PSIP1: variants seen among roughly 807,000 people sequenced by gnomAD.
PSIP1 encodes the protein PC4 and SRSF1 interacting protein 1, also known as PC4 and SFRS1-interacting protein.
Under a neutral mutation model 74.7 loss-of-function variants are expected in PSIP1, and 19 were observed. The ratio of observed to expected loss-of-function variants is 0.25; its 90% CI spans 0.18 to 0.37. The LOEUF (loss-of-function observed/expected upper bound fraction) is 0.37, where lower values mean the gene tolerates loss of function less well. Among genes scored for constraint, PSIP1 ranks in the 10% least tolerant of loss-of-function variants. The pLI is 1.00. For missense variants in PSIP1, 601 were observed against 614.3 expected (o/e 0.98, Z 0.23); for synonymous variants, 222 against 195.3 (o/e 1.14, Z -1.14).
intron 10 of PSIP1, chr9:15,470,879 T>C (rs886259894): frequency 6.2e-5 from 67 of 1,081,464 alleles, no homozygotes; most frequent in Non-Finnish European, 7.5e-5. Context: ...ACAACCACCA[T>C]CTTCGTCTGA....
rs936128161 is a variant in PSIP1, at chr9:15,470,055, C to A, written c.978-62G>T. On this transcript the variant is annotated intron_variant, in intron 10 of 15. Transcript: ENST00000380733. ...AATTTTGTGACTAAATGCCCACAATCCCTATGTAAAAGCTAAAAATGTTTT... is the reference window on the plus strand; with the variant it reads ...AATTTTGTGACTAAATGCCCACAATACCTATGTAAAAGCTAAAAATGTTTT... 19 of 1,336,550 alleles carry A rather than the reference C, an allele frequency of 1.4e-5. No homozygotes were observed. In the African/African-American group the frequency reaches 2.5e-4, roughly 17 times the overall value. 82.8% of individuals were successfully genotyped at this position (1,336,550 alleles called of 1,614,324 possible). A position where few individuals can be genotyped will look rare whatever the true frequency, so the allele number is the denominator to read the frequency against.
At chr9:15,504,797 T>A (rs555458477) in intron 3 of PSIP1, among the ~76,000 whole-genome samples, 1 of 152,136 alleles carries the variant, frequency 6.6e-6, no homozygotes, top group East Asian at 1.9e-4. Flanking sequence ...TAAAGACTTT[T>A]AAGCTTATAA....
At position 15,503,368 on chromosome 9, in the gene PSIP1, A is replaced by G. The variant is rs563693068; in HGVS notation, c.149+3193T>C. Among the ~76,000 whole-genome samples the G allele has an allele frequency of 8.2e-5, 12 of 146,850 alleles. No individual in the cohort carries two copies. The South Asian group carries it at 1.9e-3, about 24-fold the overall frequency. ...GGCAACAGAGGAGACTCCATCACAAAAAATAAAAAAATAAAAAAATAAAGT... is the reference window on the plus strand; with the variant it reads ...GGCAACAGAGGAGACTCCATCACAAGAAATAAAAAAATAAAAAAATAAAGT... On this transcript the variant is annotated intron_variant, in intron 3 of 15. Transcript: ENST00000380733.
At chr9:15,470,645 TAAA>T (rs947226413) in intron 10 of PSIP1, 18 of 928,912 alleles carry the variant, frequency 1.9e-5, no homozygotes, top group South Asian at 1.5e-4. Flanking sequence ...GTTTTTTTTT[TAAA>T]AAAAACTTTA....
rs747601975 is a variant in PSIP1, at chr9:15,478,544, C to T, written c.562G>A (p.Val188Ile). The T allele has an allele frequency of 3.8e-6, 6 of 1,596,678 alleles. No homozygotes were observed. The highest frequency in any genetic ancestry group is 5.2e-6 in the Non-Finnish European group (6 of 1,164,618). Residue 188 changes from valine to isoleucine, a missense_variant, in exon 8 of 16, where the codon GTC (valine) becomes ATC (isoleucine). Coordinates refer to ENST00000380733, the MANE Select transcript of PSIP1 (RefSeq NM_033222.5). The stretch of plus-strand genomic sequence containing the variant: ...CTGCCTCTTGGTTTTGGAATCTTGA[C>T]TTCTGTAGCTAATATACACATGGAA... ...PKRGRPAATE[V>I]KIPKPRGRPK...
intron 6 of PSIP1, among the ~76,000 whole-genome samples, chr9:15,480,649 C>A (rs2036296433): frequency 6.6e-6 from 1 of 152,188 alleles, no homozygotes; most frequent in African/African-American, 2.4e-5. Flanking sequence ...GGGCTGGACA[C>A]AGTGGCTCAC....
rs1340790272 is a variant in PSIP1, at chr9:15,472,696, C to T, written c.913G>A (p.Gly305Ser). The change falls in exon 10 of 16, where the codon GGC becomes AGC. Residue 305 changes from glycine to serine, a missense_variant. By Grantham distance (56) the Gly-to-Ser change is moderately conservative. Around this residue, in one of 2 missense-constraint regions of PSIP1, gnomAD observed 538 missense variants for 507.6 expected, o/e 1.06. Transcript: ENST00000380733. ...TCTGCTGCTTCTTTCTCATGTTGGC[C>T]TTTCAGCATATTCCTTCTGTGAGCA... ...QTAHRRNMLK[G>S]QHEKEAADRK... The T allele has an allele frequency of 2.5e-6, 4 of 1,609,498 alleles. No individual in the cohort carries two copies. The highest frequency in any genetic ancestry group is 3.4e-6 in the Non-Finnish European group (4 of 1,178,940).
Position 15,469,307 on chromosome 9 carries a change from T to C in PSIP1, c.1063A>G (p.Ile355Val). ...ETSMDSRLQR[I>V]HAEIKNSLKI... Reference sequence around the variant, plus strand: ...AGTGAATTTTTAATCTCAGCATGTATCCTTTGAAGTCGAGAATCCATTGAT... The same window carrying C: ...AGTGAATTTTTAATCTCAGCATGTACCCTTTGAAGTCGAGAATCCATTGAT... Residue 355 changes from isoleucine to valine, a missense_variant, in exon 12 of 16, where the codon ATA becomes GTA. Physicochemically the swap from Ile to Val is conservative, Grantham distance 29. Around this residue, in one of 2 missense-constraint regions of PSIP1, gnomAD observed 538 missense variants for 507.6 expected, o/e 1.06. Transcript: ENST00000380733. The C allele has an allele frequency of 6.4e-7, 1 of 1,572,912 alleles. No homozygotes were observed. The highest frequency in any genetic ancestry group is 8.6e-7 in the Non-Finnish European group (1 of 1,157,346).
chr9:15,501,256 A>G (rs1290660755), intron 3 of PSIP1, among the ~76,000 whole-genome samples: 1 of 152,142 alleles, frequency 6.6e-6, no homozygotes, highest in Admixed American at 6.5e-5. Flanking sequence ...AAATGACTTT[A>G]TCTAGTGCAC....
chr9:15,510,947 T>TGCCGCCGCC lies in PSIP1; in HGVS notation c.-281_-273dup, dbSNP rs1217069061. On this transcript the variant is annotated 5_prime_UTR_variant, in exon 1 of 16. Coordinates refer to ENST00000380733, the MANE Select transcript of PSIP1 (RefSeq NM_033222.5). ...CTCGGAATCGCAACCGCGCCGCCGC[T>TGCCGCCGCC]GCCGCCGCCGTAGCTGCGCTGCTCC... The TGCCGCCGCC allele has an allele frequency of 1.5e-3, 226 of 153,400 alleles. 2 individuals carry two copies. The highest frequency in any genetic ancestry group is 5.2e-3 in the African/African-American group (214 of 41,542). The allele number at this position is 153,400 out of a possible 1,614,324, so 9.5% of individuals were successfully genotyped here.
intron 3 of PSIP1, among the ~76,000 whole-genome samples, chr9:15,504,065 A>T (rs188331542): frequency 3.9e-5 from 6 of 152,346 alleles, no homozygotes; most frequent in Middle Eastern, 6.8e-3. Context: ...TCTTAAGTAC[A>T]AAAGAAGTCA....
intron 6 of PSIP1, among the ~76,000 whole-genome samples, chr9:15,481,255 G>A (rs1256334218): frequency 6.6e-6 from 1 of 152,190 alleles, no homozygotes; most frequent in East Asian, 1.9e-4. Flanking sequence ...AAGAACTCAA[G>A]ACTGAGAGCT....
At chr9:15,501,592 A>G (rs891814195) in intron 3 of PSIP1, among the ~76,000 whole-genome samples, 4 of 152,134 alleles carry the variant, frequency 2.6e-5, no homozygotes, top group Admixed American at 2.6e-4. Context: ...CTGGAGAGGT[A>G]AGCATGGGCT....
chr9:15,481,566 C>A lies in PSIP1; in HGVS notation c.457-1879G>T, dbSNP rs186578711. Among the ~76,000 whole-genome samples, 7 of 152,220 alleles carry A rather than the reference C, an allele frequency of 4.6e-5. No individual in the cohort carries two copies. The East Asian group carries it at 1.4e-3, about 29-fold the overall frequency. Reference sequence around the variant, plus strand: ...CAAAAATAAGTCAGGCACCTGTAATCCCAGCCACTCAAGAGGCTAAGGCAG... The same window carrying A: ...CAAAAATAAGTCAGGCACCTGTAATACCAGCCACTCAAGAGGCTAAGGCAG... On this transcript the variant is annotated intron_variant, in intron 6 of 15. Coordinates refer to ENST00000380733, the MANE Select transcript of PSIP1 (RefSeq NM_033222.5).
At chr9:15,488,616 T>A (rs954724411) in intron 4 of PSIP1, among the ~76,000 whole-genome samples, 3 of 151,656 alleles carry the variant, frequency 2.0e-5, no homozygotes, top group Non-Finnish European at 2.9e-5. Flanking sequence ...ATATAAAAAA[T>A]TTTTCTAAGC....
chr9:15,473,022 G>C (rs115671636), intron 9 of PSIP1, among the ~76,000 whole-genome samples: 37 of 152,276 alleles, frequency 2.4e-4, no homozygotes, highest in African/African-American at 8.7e-4. Context: ...CCTCTCTACA[G>C]AGTGATTTGA....
Position 15,510,285 on chromosome 9 carries a change from G to C in PSIP1, c.-97C>G. 2 of 1,013,436 alleles carry C rather than the reference G, an allele frequency of 2.0e-6. No individual in the cohort carries two copies. The highest frequency in any genetic ancestry group is 2.8e-6 in the Non-Finnish European group (2 of 720,564). 62.8% of individuals were successfully genotyped at this position (1,013,436 alleles called of 1,614,324 possible). ...CGGCGGACGCGGGCCCAGCTACCGGGCCCGCGGGCGGGGGAGGATGCCTCG... is the reference window on the plus strand; with the variant it reads ...CGGCGGACGCGGGCCCAGCTACCGGCCCCGCGGGCGGGGGAGGATGCCTCG... On this transcript the variant is annotated 5_prime_UTR_variant, in exon 2 of 16. Transcript: ENST00000380733.
chr9:15,497,265 TG>T (rs1458028142), intron 3 of PSIP1, among the ~76,000 whole-genome samples: 3 of 151,274 alleles, frequency 2.0e-5, no homozygotes, highest in Non-Finnish European at 4.4e-5. Context: ...GGATGAATCT[TG>T]AAAAACATCA....
chr9:15,474,150 C>A lies in PSIP1; in HGVS notation c.717G>T (p.Lys239Asn), dbSNP rs2035974376. 1 of 1,613,302 alleles carries A rather than the reference C, an allele frequency of 6.2e-7. No individual in the cohort carries two copies. The highest frequency in any genetic ancestry group is 1.1e-5 in the South Asian group (1 of 91,046). The change falls in exon 9 of 16, where the codon AAG becomes AAT. Residue 239 changes from lysine (K) to asparagine (N), a missense_variant. Physicochemically the swap from Lys to Asn is moderately conservative, Grantham distance 94. This residue lies in a region of PSIP1 where 538 missense variants were observed against 507.6 expected (regional missense o/e 1.06). Coordinates refer to ENST00000380733, the MANE Select transcript of PSIP1 (RefSeq NM_033222.5). ...GCTCTTTTCTTGGCTTATCTTCTTCCTTCTGGCCCTCTTCATCCTTCTTAG... is the reference window on the plus strand; with the variant it reads ...GCTCTTTTCTTGGCTTATCTTCTTCATTCTGGCCCTCTTCATCCTTCTTAG... Reference protein sequence around the residue: ...KQPKKDEEGQKEEDKPRKEPD... With the variant: ...KQPKKDEEGQNEEDKPRKEPD...
Sources: allele counts gnomAD v4.1 joint callset (sites outside exome capture counted in the v4.1 genomes callset), GRCh38; gene constraint gnomAD v4.1.1; regional missense constraint gnomAD v4.1.1; transcripts MANE v1.5; gene names NCBI Gene and HGNC (gene_info 2026-07-23, HGNC 2026-07-21).